Variants in LOXHD1 observed in about 807,000 individuals in gnomAD.
LOXHD1 encodes lipoxygenase homology PLAT domains 1, also known as lipoxygenase homology domain-containing protein 1.
Under a neutral mutation model 248.2 loss-of-function variants are expected in LOXHD1, and 205 were observed. The ratio of observed to expected loss-of-function variants is 0.83; its 90% CI spans 0.74 to 0.93. The LOEUF (loss-of-function observed/expected upper bound fraction) is 0.93, where lower values mean the gene tolerates loss of function less well. Among genes scored for constraint, LOXHD1 ranks in the 40% least tolerant of loss-of-function variants. The pLI, the probability that LOXHD1 is intolerant of heterozygous loss-of-function variation, is 0.00. For missense variants in LOXHD1, 2,930 were observed against 2,971.6 expected (o/e 0.99, Z 0.33); for synonymous variants, 1,113 against 1,162.8 (o/e 0.96, Z 0.87).
At position 46,558,427 on chromosome 18, in the gene LOXHD1, C is replaced by T. The variant is rs982985005; in HGVS notation, c.3217-938G>A. Among the ~76,000 whole-genome samples, 3 of 152,140 alleles carry T rather than the reference C, an allele frequency of 2.0e-5. No individual in the cohort carries two copies. In the South Asian group the frequency reaches 6.2e-4, roughly 32 times the overall value. On this transcript the variant is annotated intron_variant, in intron 20 of 40. Coordinates refer to ENST00000642948, the MANE Select transcript of LOXHD1 (RefSeq NM_001384474.1). The stretch of plus-strand genomic sequence containing the variant: ...ATATACAGTCCATGTTCAAATTTTA[C>T]CAGTTGCACAAGTTATGTAGTCCTC...
rs539674451 is a variant in LOXHD1, at chr18:46,477,932, C to G, written c.6362G>C (p.Cys2121Ser). The G allele has an allele frequency of 1.3e-6, 2 of 1,549,784 alleles. No individual in the cohort carries two copies. The highest frequency in any genetic ancestry group is 4.9e-5 in the East Asian group (2 of 40,854). ...YGNVYFFNCD[C>S]LIPLKRKRKY... is the part of the protein sequence containing the mutation. ...CCTCTTCCTCTTGAGGGGGATGAGG[C>G]AGTCACAGTTAAAGAAGTACCTGGC... Residue 2121 changes from cysteine (C) to serine (S), a missense_variant, in exon 41 of 41, where the codon TGC becomes TCC. Transcript: ENST00000642948.
chr18:46,588,139 T>C (rs558679324), intron 12 of LOXHD1, among the ~76,000 whole-genome samples: 79 of 152,186 alleles, frequency 5.2e-4, no homozygotes, highest in African/African-American at 1.8e-3. Flanking sequence ...CTATTTATTG[T>C]TAGAAAACAT....
At position 46,477,338 on chromosome 18, in the gene LOXHD1, C is replaced by A. The variant is rs2032082673; in HGVS notation, c.*134G>T. 3 of 1,200,126 alleles carry A rather than the reference C, an allele frequency of 2.5e-6. No individual in the cohort carries two copies. Among genetic ancestry groups the A allele is most frequent in the South Asian group, 1.3e-5 (1 of 76,182 alleles). The allele number at this position is 1,200,126 out of a possible 1,614,324, so 74.3% of individuals were successfully genotyped here. A position where few individuals can be genotyped will look rare whatever the true frequency, so the allele number is the denominator to read the frequency against. On this transcript the variant is annotated 3_prime_UTR_variant, in exon 41 of 41. Coordinates refer to ENST00000642948, the MANE Select transcript of LOXHD1 (RefSeq NM_001384474.1). ...ACTGGGGGTAGGGTGGGGAGCAGGACCCCATGAAGTTCTCAGTGGACTGCT... is the reference window on the plus strand; with the variant it reads ...ACTGGGGGTAGGGTGGGGAGCAGGAACCCATGAAGTTCTCAGTGGACTGCT...
In LOXHD1 at chr18:46,479,236, A is replaced by ATGTGTGTGTGTGTGTGTGTGTG. The variant is rs10645069; in HGVS notation, c.6342-1306_6342-1285dup. ...GAACAAAGAGTTTGTATATATATGTATGTGTGTGTGTGTGTGTGTGTGTGT... is the reference window on the plus strand; with the variant it reads ...GAACAAAGAGTTTGTATATATATGTATGTGTGTGTGTGTGTGTGTGTGTGTGTGTGTGTGTGTGTGTGTGTGT... On this transcript the variant is annotated intron_variant, in intron 40 of 40. Transcript: ENST00000642948. Among the ~76,000 whole-genome samples, 4 of 142,892 alleles carry ATGTGTGTGTGTGTGTGTGTGTG rather than the reference A, an allele frequency of 2.8e-5. No individual in the cohort carries two copies. The South Asian group carries it at 7.0e-4, about 25-fold the overall frequency. 93.7% of individuals were successfully genotyped at this position (142,892 alleles called of 152,430 possible).
chr18:46,569,110 A>C (rs1055587858), intron 16 of LOXHD1, among the ~76,000 whole-genome samples: 1 of 151,994 alleles, frequency 6.6e-6, no homozygotes, highest in African/African-American at 2.4e-5. Flanking sequence ...CTCCTTCTCC[A>C]GTGTCTGTGA....
At chr18:46,516,701 T>A (rs945471093) in intron 34 of LOXHD1, among the ~76,000 whole-genome samples, 7 of 151,818 alleles carry the variant, frequency 4.6e-5, no homozygotes, top group Admixed American at 2.0e-4. Flanking sequence ...ATCACCTTCA[T>A]CCCTATCACT....
chr18:46,543,356 T>C (rs2036648260), intron 23 of LOXHD1, among the ~76,000 whole-genome samples: 2 of 152,240 alleles, frequency 1.3e-5, no homozygotes, highest in African/African-American at 4.8e-5. Flanking sequence ...ATTTCATTCC[T>C]TTTTATGGCT....
intron 6 of LOXHD1, among the ~76,000 whole-genome samples, chr18:46,605,418 G>GGAGGCTGACA (rs1568213187): frequency 6.5e-4 from 49 of 75,252 alleles, no homozygotes; most frequent in Non-Finnish European, 1.3e-3. Flanking sequence ...TCTCAGCTAC[G>GGAGGCTGACA]CAGGAGAATG....
intron 7 of LOXHD1, among the ~76,000 whole-genome samples, chr18:46,602,242 A>G (rs879839888): frequency 6.6e-6 from 1 of 152,018 alleles, no homozygotes; most frequent in African/African-American, 2.4e-5. Context: ...GTCTCACTCT[A>G]TCACCCAGGC....
chr18:46,610,906 T>C lies in LOXHD1; in HGVS notation c.629A>G (p.Asn210Ser). 3.9e-6 allele frequency: 6 copies of C among 1,551,886 alleles called. No individual in the cohort carries two copies. The highest frequency in any genetic ancestry group is 5.2e-6 in the Non-Finnish European group (6 of 1,147,024). ...YGDTGERRLE[N>S]EKDNFEKGAE... ...TCCCTTTTCAAAGTTGTCCTTTTCA[T>C]TTTCTAGCCTACGCTCCCCTGTATG... Residue 210 changes from asparagine (N) to serine (S), a missense_variant, in exon 6 of 41, where the codon AAT becomes AGT. By Grantham distance (46) the Asn-to-Ser change is conservative (BLOSUM62 1). Coordinates refer to ENST00000642948, the MANE Select transcript of LOXHD1 (RefSeq NM_001384474.1).
chr18:46,584,352 G>A (rs112989789), intron 12 of LOXHD1, among the ~76,000 whole-genome samples: 8,110 of 152,150 alleles, frequency 0.053, 261 homozygotes, highest in Non-Finnish European at 0.079. Context: ...ATAAAGACTT[G>A]TATATCACAA....
chr18:46,571,501 T>C (rs1906371688), intron 15 of LOXHD1, among the ~76,000 whole-genome samples: 1 of 152,032 alleles, frequency 6.6e-6, no homozygotes, highest in Non-Finnish European at 1.5e-5. Flanking sequence ...AATAAAAATA[T>C]CTTCAGCTCT....
At chr18:46,642,579 C>T (rs1208752623) in intron 2 of LOXHD1, among the ~76,000 whole-genome samples, 1 of 152,248 alleles carries the variant, frequency 6.6e-6, no homozygotes, top group African/African-American at 2.4e-5. Context: ...CCCAAACCAA[C>T]AGCCAGGGAA....
intron 14 of LOXHD1, among the ~76,000 whole-genome samples, chr18:46,574,459 G>T (rs2037816717): frequency 6.9e-6 from 1 of 144,452 alleles, no homozygotes; most frequent in African/African-American, 2.6e-5. Flanking sequence ...GACCTGGTTT[G>T]TCCTCCTCTC....
rs745323350 is a variant in LOXHD1 at position 46,610,842 on chromosome 18, C to A, written c.693G>T (p.Gly231=). The change falls in exon 6 of 41, where the codon GGG becomes GGT. Residue 231 remains glycine (G), a synonymous_variant. Coordinates refer to ENST00000642948, the MANE Select transcript of LOXHD1 (RefSeq NM_001384474.1). ...DRFILDAPDL[G]QLMKINVGHN... ...GGCCAACATTGATCTTCATCAGCTGCCCCAAATCCGGGGCATCCAGGATGA... is the reference window on the plus strand; with the variant it reads ...GGCCAACATTGATCTTCATCAGCTGACCCAAATCCGGGGCATCCAGGATGA... 1.3e-6 allele frequency: 2 copies of A among 1,551,792 alleles called. No individual in the cohort carries two copies. The highest frequency in any genetic ancestry group is 2.4e-5 in the South Asian group (2 of 84,062).
chr18:46,510,950 A>C (rs1020549297), intron 34 of LOXHD1, among the ~76,000 whole-genome samples: 3 of 152,242 alleles, frequency 2.0e-5, no homozygotes, highest in African/African-American at 7.2e-5. Flanking sequence ...TCTCTCAAAT[A>C]ATCTTTCAAT....
intron 8 of LOXHD1, 49 bp downstream of exon 8, chr18:46,601,168 G>A: frequency 1.3e-6 from 2 of 1,528,720 alleles, no homozygotes; most frequent in South Asian, 1.2e-5. Context: ...GCAAGTTAAA[G>A]AGGAGAGGGG....
rs573693422 is a variant in LOXHD1 at position 46,519,244 on chromosome 18, C to G, written c.5272-988G>C. On this transcript the variant is annotated intron_variant, in intron 33 of 40. Coordinates refer to ENST00000642948, the MANE Select transcript of LOXHD1 (RefSeq NM_001384474.1). ...CACGGTTGGGGAAGGGCCATCTTGACTGTCTCCTTTGAACGTACCTGGTCC... is the reference window on the plus strand; with the variant it reads ...CACGGTTGGGGAAGGGCCATCTTGAGTGTCTCCTTTGAACGTACCTGGTCC... 2.0e-5 allele frequency among the ~76,000 whole-genome samples: 3 copies of G among 152,374 alleles called. No individual in the cohort carries two copies. In the South Asian group the frequency reaches 6.2e-4, roughly 32 times the overall value.
intron 3 of LOXHD1, 123 bp downstream of exon 3, chr18:46,641,833 G>A (rs894581134): frequency 1.1e-6 from 1 of 918,976 alleles, no homozygotes; most frequent in Admixed American, 2.1e-5. Flanking sequence ...GGAAAGATTT[G>A]GGCCTTTGGT....
Sources: allele counts gnomAD v4.1 joint callset (sites outside exome capture counted in the v4.1 genomes callset), GRCh38; gene constraint gnomAD v4.1.1; transcripts MANE v1.5; gene names NCBI Gene and HGNC (gene_info 2026-07-23, HGNC 2026-07-21).